PDE4D: variants seen among roughly 807,000 people sequenced by gnomAD.
The protein encoded by PDE4D is phosphodiesterase 4D.
A neutral mutation model predicts 87.4 loss-of-function variants in PDE4D; 24 were observed. The ratio of observed to expected loss-of-function variants is 0.27; its 90% CI spans 0.20 to 0.39. The LOEUF is 0.39. PDE4D is among the 10% of genes least tolerant of loss of function. The pLI is 1.00. For missense variants in PDE4D, 714 were observed against 1,041.0 expected (o/e 0.69, Z 4.32); for synonymous variants, 384 against 383.2 (o/e 1.00, Z -0.02).
In PDE4D at chr5:59,180,593, A is replaced by C; in HGVS notation, c.808+2T>G. 1 of 1,612,716 alleles carries C rather than the reference A, an allele frequency of 6.2e-7. No individual in the cohort carries two copies. Reference sequence around the variant, plus strand: ...GAAGAATAAGCTCCAGATCTTTCTTACCTGTTATGGTGGCTTTGTTGATGG... The same window carrying C: ...GAAGAATAAGCTCCAGATCTTTCTTCCCTGTTATGGTGGCTTTGTTGATGG... On this transcript the variant is annotated splice_donor_variant, in intron 5 of 14. Coordinates refer to ENST00000340635, the MANE Select transcript of PDE4D (RefSeq NM_001104631.2). LOFTEE classifies it high-confidence loss of function.
chr5:60,078,101 C>G (rs561556939), intron 2 of PDE4D, among the ~76,000 whole-genome samples: 2 of 152,272 alleles, frequency 1.3e-5, no homozygotes, highest in African/African-American at 2.4e-5. Flanking sequence ...GACCATCTTG[C>G]CTCCTTCCTG....
At chr5:59,188,469 A>G (rs1452079289) in intron 3 of PDE4D, among the ~76,000 whole-genome samples, 3 of 152,216 alleles carry the variant, frequency 2.0e-5, no homozygotes, top group Non-Finnish European at 4.4e-5. Flanking sequence ...GCTTCTAAAC[A>G]TTTATTAAAC....
chr5:59,608,448 A>T (rs1246916038), intron 1 of PDE4D, among the ~76,000 whole-genome samples: 2 of 152,192 alleles, frequency 1.3e-5, no homozygotes, highest in Non-Finnish European at 2.9e-5. Flanking sequence ...AACTTTAAAA[A>T]TAAAGAAAAT....
chr5:59,783,915 G>A (rs1213169397), intron 1 of PDE4D, among the ~76,000 whole-genome samples: 1 of 152,040 alleles, frequency 6.6e-6, no homozygotes, highest in Admixed American at 6.6e-5. Context: ...AAAAATTAGT[G>A]GGTATGGTGG....
intron 1 of PDE4D, among the ~76,000 whole-genome samples, chr5:59,666,412 C>A (rs890115813): frequency 1.3e-5 from 2 of 152,038 alleles, no homozygotes; most frequent in Non-Finnish European, 1.5e-5. Flanking sequence ...TAGTAACAAC[C>A]AACAAACAAA....
intron 1 of PDE4D, among the ~76,000 whole-genome samples, chr5:59,222,169 G>A (rs913370282): frequency 6.6e-6 from 1 of 152,114 alleles, no homozygotes; most frequent in Non-Finnish European, 1.5e-5. Flanking sequence ...CCATTTCAGT[G>A]GAATTACTGG....
intron 1 of PDE4D, among the ~76,000 whole-genome samples, chr5:59,462,617 G>A (rs994304584): frequency 2.0e-5 from 3 of 152,078 alleles, no homozygotes; most frequent in African/African-American, 7.2e-5. Flanking sequence ...ACAGATGGAG[G>A]GCCCTTGCAG....
chr5:59,789,744 G>T (rs1019304719), intron 1 of PDE4D, among the ~76,000 whole-genome samples: 6 of 152,114 alleles, frequency 3.9e-5, no homozygotes, highest in African/African-American at 1.4e-4. Flanking sequence ...TTAATGGCTG[G>T]CATCTTTACT....
chr5:59,813,273 T>C (rs987584444), intron 1 of PDE4D, among the ~76,000 whole-genome samples: 1 of 152,316 alleles, frequency 6.6e-6, no homozygotes, highest in East Asian at 1.9e-4. Context: ...CCACCAATAA[T>C]TGTTGCTGTC....
intron 5 of PDE4D, among the ~76,000 whole-genome samples, chr5:59,175,345 A>T (rs1783648970): frequency 6.6e-6 from 1 of 152,098 alleles, no homozygotes; most frequent in Non-Finnish European, 1.5e-5. Flanking sequence ...ATTCTCTGTT[A>T]CCTCTATTCT....
intron 3 of PDE4D, among the ~76,000 whole-genome samples, chr5:59,948,764 C>T (rs1029386436): frequency 3.3e-5 from 5 of 152,160 alleles, no homozygotes; most frequent in African/African-American, 4.8e-5. Context: ...CAGGAAAGAG[C>T]TGCCAATTAG....
chr5:60,508,513 T>C (rs1750421273), intron 1 of PDE4D, among the ~76,000 whole-genome samples: 1 of 152,224 alleles, frequency 6.6e-6, no homozygotes, highest in Admixed American at 6.5e-5. Flanking sequence ...TCCATTTCAC[T>C]TGGGTTGACT....
chr5:60,207,051 T>C (rs539932652), intron 1 of PDE4D, among the ~76,000 whole-genome samples: 2 of 152,278 alleles, frequency 1.3e-5, no homozygotes, highest in African/African-American at 4.8e-5. Flanking sequence ...CAGGTGGATC[T>C]TACAGATAGG....
intron 3 of PDE4D, among the ~76,000 whole-genome samples, chr5:59,939,043 C>T (rs916065922): frequency 1.3e-5 from 2 of 152,130 alleles, no homozygotes; most frequent in African/African-American, 4.8e-5. Context: ...AGAGTGAAAC[C>T]CTTCTTAACT....
intron 2 of PDE4D, among the ~76,000 whole-genome samples, chr5:60,043,073 T>C (rs1007063395): frequency 1.4e-4 from 22 of 151,830 alleles, no homozygotes; most frequent in Middle Eastern, 3.4e-3. Flanking sequence ...AATTGCTAAC[T>C]AGAATAATCA....
chr5:60,266,466 T>A (rs1381217151), intron 1 of PDE4D, among the ~76,000 whole-genome samples: 1 of 152,224 alleles, frequency 6.6e-6, no homozygotes, highest in Non-Finnish European at 1.5e-5. Context: ...CTTTCTAATT[T>A]GCTCACTTTT....
intron 1 of PDE4D, among the ~76,000 whole-genome samples, chr5:60,332,530 T>C (rs1303716590): frequency 6.6e-6 from 1 of 152,210 alleles, no homozygotes. Flanking sequence ...TTATTGTTTT[T>C]ATGTCTGCAT....
intron 1 of PDE4D, among the ~76,000 whole-genome samples, chr5:60,497,781 T>C (rs1749886614): frequency 6.6e-6 from 1 of 152,184 alleles, no homozygotes; most frequent in Non-Finnish European, 1.5e-5. Flanking sequence ...CCAAAATTAA[T>C]TGCAAGTGCT....
At chr5:59,197,252 T>C (rs1035121747) in intron 2 of PDE4D, among the ~76,000 whole-genome samples, 2 of 152,206 alleles carry the variant, frequency 1.3e-5, no homozygotes, top group African/African-American at 4.8e-5. Context: ...TTATAAGTAT[T>C]ATAAGTAATA....
Sources: gnomAD v4.1 joint callset for allele counts (sites outside exome capture counted in the v4.1 genomes callset) on GRCh38, gnomAD v4.1.1 for gene constraint, MANE v1.5 for transcripts, NCBI Gene and HGNC (gene_info 2026-07-23, HGNC 2026-07-21) for gene names.